ABHD12: variants seen among roughly 807,000 people sequenced by gnomAD.
ABHD12 encodes abhydrolase domain containing 12, lysophospholipase, also known as lysophosphatidylserine lipase ABHD12.
ABHD12 carries 43 observed loss-of-function variants against 58.3 expected under a neutral mutation model. The observed-to-expected ratio is 0.74, with a 90% CI of 0.58 to 0.95. The LOEUF is 0.95. ABHD12 is among the 40% of genes least tolerant of loss of function. ABHD12 has a pLI of 0.00. For synonymous variants in ABHD12, 219 were observed against 211.2 expected (o/e 1.04, Z -0.32); for missense variants, 539 against 537.2 (o/e 1.00, Z -0.03).
At chr20:25,359,218 G>A (rs991111348) in intron 1 of ABHD12, among the ~76,000 whole-genome samples, 1 of 151,110 alleles carries the variant, frequency 6.6e-6, no homozygotes, top group East Asian at 2.0e-4. Flanking sequence ...TCAGGAGATC[G>A]AGACCATCCT....
chr20:25,368,783 C>G, intron 1 of ABHD12: 1 of 783,378 alleles, frequency 1.3e-6, no homozygotes, highest in Non-Finnish European at 2.2e-6. Context: ...TAGTACAGGG[C>G]TCCCAGCGGC....
At chr20:25,326,517 G>A (rs1326118017) in intron 2 of ABHD12, among the ~76,000 whole-genome samples, 1 of 152,164 alleles carries the variant, frequency 6.6e-6, no homozygotes, top group Non-Finnish European at 1.5e-5. Flanking sequence ...CCCATGGCTG[G>A]ACTCAGCTTT....
chr20:25,363,733 C>T (rs1448953758), intron 1 of ABHD12, among the ~76,000 whole-genome samples: 1 of 151,904 alleles, frequency 6.6e-6, no homozygotes, highest in African/African-American at 2.4e-5. Flanking sequence ...GGCATGGTGG[C>T]ACATGCCCGT....
intron 1 of ABHD12, among the ~76,000 whole-genome samples, chr20:25,387,051 ATT>A (rs2090100809): frequency 1.3e-5 from 2 of 152,184 alleles, no homozygotes; most frequent in Admixed American, 1.3e-4. Flanking sequence ...GTACACTGGC[ATT>A]TGAGAAAACT....
chr20:25,375,171 C>T (rs1488359116), intron 1 of ABHD12, among the ~76,000 whole-genome samples: 8 of 152,180 alleles, frequency 5.3e-5, no homozygotes. Context: ...AGAGGGGCCT[C>T]ATGAGAAACC....
chr20:25,300,679 G>A lies in ABHD12; in HGVS notation c.*166C>T. ...ATGCTCAGGCCTCCGGGCACTGCAG[G>A]CCTGCAGGGGCCTCCCCGCCTGGGA... is the stretch of plus-strand genomic sequence containing the variant. On this transcript the variant is annotated 3_prime_UTR_variant, in exon 13 of 13. Coordinates refer to ENST00000339157, the MANE Select transcript of ABHD12 (RefSeq NM_001042472.3). 6.5e-7 allele frequency: 1 copy of A among 1,528,034 alleles called. No individual in the cohort carries two copies. Among genetic ancestry groups the A allele is most frequent in the Non-Finnish European group, 8.8e-7 (1 of 1,141,844 alleles). The allele number at this position is 1,528,034 out of a possible 1,614,324, so 94.7% of individuals were successfully genotyped here.
chr20:25,357,216 G>C (rs529564728), intron 1 of ABHD12, among the ~76,000 whole-genome samples: 1 of 152,242 alleles, frequency 6.6e-6, no homozygotes, highest in Non-Finnish European at 1.5e-5. Flanking sequence ...GTCTCTCGCA[G>C]GGGCCCCAAA....
At chr20:25,377,731 T>C (rs2089977344) in intron 1 of ABHD12, among the ~76,000 whole-genome samples, 1 of 152,224 alleles carries the variant, frequency 6.6e-6, no homozygotes, top group Non-Finnish European at 1.5e-5. Context: ...GGAATCTTGC[T>C]CTGTCACCCA....
intron 7 of ABHD12, 80 bp downstream of exon 7, chr20:25,309,366 T>C (rs992013417): frequency 6.2e-7 from 1 of 1,601,340 alleles, no homozygotes; most frequent in Non-Finnish European, 8.5e-7. Context: ...GCAGGGATGG[T>C]GGACTCTCTA....
intron 1 of ABHD12, among the ~76,000 whole-genome samples, chr20:25,347,662 TAA>T (rs36051321): frequency 3.3e-5 from 5 of 149,718 alleles, no homozygotes; most frequent in Admixed American, 6.7e-5. Context: ...TCTGTCTCTA[TAA>T]AAAAAAAAAT....
chr20:25,302,515 G>A (rs1159614773), intron 11 of ABHD12, among the ~76,000 whole-genome samples, 169 bp from the exon 12 acceptor site: 1 of 152,106 alleles, frequency 6.6e-6, no homozygotes, highest in African/African-American at 2.4e-5. Flanking sequence ...TGGGCTGGGA[G>A]GAGCCAGGCC....
intron 2 of ABHD12, among the ~76,000 whole-genome samples, chr20:25,332,117 C>G (rs1177749544): frequency 6.6e-6 from 1 of 151,836 alleles, no homozygotes; most frequent in Non-Finnish European, 1.5e-5. Flanking sequence ...GAAGATCTAC[C>G]AAGCAAATGG....
intron 2 of ABHD12, chr20:25,338,917 G>A: frequency 1.7e-6 from 2 of 1,188,386 alleles, no homozygotes; most frequent in Non-Finnish European, 2.1e-6. Context: ...GGTCCCCCAG[G>A]GCAGTGTAGT....
intron 9 of ABHD12, 111 bp downstream of exon 9, chr20:25,307,855 G>T: frequency 2.1e-6 from 1 of 465,232 alleles, no homozygotes; most frequent in South Asian, 3.3e-5. Flanking sequence ...GTATTCATTA[G>T]AATATTTAAA....
At chr20:25,355,529 C>T (rs2089655440) in intron 1 of ABHD12, among the ~76,000 whole-genome samples, 1 of 152,062 alleles carries the variant, frequency 6.6e-6, no homozygotes, top group South Asian at 2.1e-4. Context: ...ATTTCCCATA[C>T]TGCATTTGAC....
intron 1 of ABHD12, among the ~76,000 whole-genome samples, chr20:25,369,761 G>A (rs1362295909): frequency 6.6e-6 from 1 of 152,084 alleles, no homozygotes; most frequent in Non-Finnish European, 1.5e-5. Flanking sequence ...GGAAAAACTT[G>A]CTCTTTAAAG....
At chr20:25,362,224 G>A (rs1168324655) in intron 1 of ABHD12, among the ~76,000 whole-genome samples, 4 of 151,666 alleles carry the variant, frequency 2.6e-5, no homozygotes, top group East Asian at 2.0e-4. Flanking sequence ...AGGTTGTGGT[G>A]AGCCAACATT....
In ABHD12 at chr20:25,379,271, T is replaced by C. The variant is rs141905995; in HGVS notation, c.191+11242A>G. Among the ~76,000 whole-genome samples the C allele has an allele frequency of 2.0e-3, 306 of 152,304 alleles. 2 individuals are homozygous for C. Among genetic ancestry groups the C allele is most frequent in the Middle Eastern group, 0.014 (4 of 294 alleles). ...AGGGAACTGTCCTTGTCATCCTTTT[T>C]AAAAACATTAAATGTCAGAAAGACG... On this transcript the variant is annotated intron_variant, in intron 1 of 12. Transcript: ENST00000339157.
intron 1 of ABHD12, among the ~76,000 whole-genome samples, chr20:25,342,665 T>C (rs2089470326): frequency 6.6e-6 from 1 of 152,136 alleles, no homozygotes; most frequent in Non-Finnish European, 1.5e-5. Flanking sequence ...GTGGCACAAT[T>C]ATAGCTCACT....
Sources: gnomAD v4.1 joint callset for allele counts (sites outside exome capture counted in the v4.1 genomes callset) on GRCh38, gnomAD v4.1.1 for gene constraint, MANE v1.5 for transcripts, NCBI Gene and HGNC (gene_info 2026-07-23, HGNC 2026-07-21) for gene names.